USP24: variants seen among roughly 807,000 people sequenced by gnomAD.
USP24 encodes the protein ubiquitin specific peptidase 24, also known as ubiquitin carboxyl-terminal hydrolase 24.
Under a neutral mutation model 361.6 loss-of-function variants are expected in USP24, and 97 were observed. The observed-to-expected ratio is 0.27, with a 90% CI of 0.23 to 0.32. The LOEUF is 0.32. Ranked by LOEUF, USP24 falls within the 10% of genes least tolerant of loss-of-function variation. The pLI, the probability that USP24 is intolerant of heterozygous loss-of-function variation, is 1.00. For missense variants in USP24, 2,353 were observed against 3,165.6 expected (o/e 0.74, Z 6.16); for synonymous variants, 1,098 against 1,124.6 (o/e 0.98, Z 0.47).
rs1446392070 is a variant in USP24, at chr1:55,097,022, G to C, written c.5866C>G (p.Leu1956Val). 2 of 1,613,788 alleles carry C rather than the reference G, an allele frequency of 1.2e-6. No individual in the cohort carries two copies. The highest frequency in any genetic ancestry group is 1.7e-6 in the Non-Finnish European group (2 of 1,179,878). The change falls in exon 49 of 68, where the codon CTT becomes GTT. Residue 1956 changes from leucine (L) to valine (V), a missense_variant. Leu to Val is a conservative substitution (Grantham distance 32, BLOSUM62 1). Around this residue, in one of 8 missense-constraint regions of USP24, gnomAD observed 598 missense variants for 761.9 expected, o/e 0.78. Coordinates refer to ENST00000294383, the MANE Select transcript of USP24 (RefSeq NM_015306.3). ...CCACTGTGTACGATGACACCGACAA[G>C]TTCATAGTTTTCTGTGAGGGCAACC... is the stretch of plus-strand genomic sequence containing the variant. The part of the protein sequence containing the change: ...KKVALTENYE[L>V]VGVIVHSGQA...
At position 55,215,145 on chromosome 1, in the gene USP24, C is replaced by A; in HGVS notation, c.-32G>T. ...GGCCTCCTGGCCGCCCCGGCCAGCGCACGGCGAAGCTACGGGTCCCGGGCC... is the reference window on the plus strand; with the variant it reads ...GGCCTCCTGGCCGCCCCGGCCAGCGAACGGCGAAGCTACGGGTCCCGGGCC... On this transcript the variant is annotated 5_prime_UTR_variant, in exon 1 of 68. Coordinates refer to ENST00000294383, the MANE Select transcript of USP24 (RefSeq NM_015306.3). 1 of 1,221,872 alleles carries A rather than the reference C, an allele frequency of 8.2e-7. No individual in the cohort carries two copies. The highest frequency in any genetic ancestry group is 1.0e-6 in the Non-Finnish European group (1 of 977,294). 75.7% of individuals were successfully genotyped at this position (1,221,872 alleles called of 1,614,324 possible). A position where few individuals can be genotyped will look rare whatever the true frequency, so the allele number is the denominator to read the frequency against.
intron 41 of USP24, among the ~76,000 whole-genome samples, chr1:55,105,260 G>A (rs1645739911): frequency 6.6e-6 from 1 of 152,166 alleles, no homozygotes; most frequent in Admixed American, 6.5e-5. Flanking sequence ...CAGGGCTGGG[G>A]TAGCAATGAG....
At chr1:55,119,130 T>C (rs948546242) in intron 38 of USP24, among the ~76,000 whole-genome samples, 26 of 152,368 alleles carry the variant, frequency 1.7e-4, no homozygotes, top group African/African-American at 6.3e-4. Context: ...CCCATGTTTG[T>C]AGCTGCATTC....
chr1:55,195,818 A>AACAGGT (rs1165839970), intron 1 of USP24, among the ~76,000 whole-genome samples: 2 of 152,236 alleles, frequency 1.3e-5, no homozygotes, highest in Non-Finnish European at 2.9e-5. Context: ...GTTGTTGTTT[A>AACAGGT]ACAGGTACAG....
intron 1 of USP24, among the ~76,000 whole-genome samples, chr1:55,213,727 G>A (rs1430416416): frequency 2.6e-5 from 4 of 152,138 alleles, no homozygotes; most frequent in Admixed American, 6.5e-5. Context: ...CAAAAGCACT[G>A]CTGCTTCTGG....
intron 50 of USP24, 86 bp from the exon 51 acceptor site, chr1:55,095,482 G>A (rs866613988): frequency 4.2e-6 from 6 of 1,419,086 alleles, no homozygotes; most frequent in Middle Eastern, 4.8e-4. Flanking sequence ...CATTATTCCA[G>A]CAAGTAGTTA....
intron 7 of USP24, among the ~76,000 whole-genome samples, 180 bp from the exon 8 acceptor site, chr1:55,162,444 CG>C (rs1648389674): frequency 1.3e-5 from 2 of 152,084 alleles, no homozygotes; most frequent in South Asian, 4.2e-4. Context: ...GATGTCAACC[CG>C]CTTAAATTAT....
At position 55,101,590 on chromosome 1, in the gene USP24, G is replaced by T; in HGVS notation, c.5139C>A (p.Leu1713=). 1.2e-6 allele frequency: 2 copies of T among 1,610,100 alleles called. No homozygotes were observed. The highest frequency in any genetic ancestry group is 1.7e-6 in the Non-Finnish European group (2 of 1,178,162). Residue 1713 remains leucine, a synonymous_variant, in exon 43 of 68, where the codon CTC becomes CTA. Transcript: ENST00000294383. ...GATAGAAAAAAGAAATCACCTCAGG[G>T]AGCCCAGGTTGCATATACAGCTGCT... ...VFQQLYMQPG[L]PESLLSVDDD...
At chr1:55,135,578 T>C (rs1646710415) in intron 28 of USP24, among the ~76,000 whole-genome samples, 1 of 152,228 alleles carries the variant, frequency 6.6e-6, no homozygotes, top group Admixed American at 6.5e-5. Flanking sequence ...CCTCAAGATA[T>C]CTCATTATGT....
rs537531789 is a variant in USP24, at chr1:55,166,456, A to AT, written c.861+111dup. 1,483 of 1,022,498 alleles carry AT rather than the reference A, an allele frequency of 1.5e-3. 3 individuals are homozygous for AT. Among genetic ancestry groups the AT allele is most frequent in the South Asian group, 2.7e-3 (174 of 65,186 alleles). The allele number at this position is 1,022,498 out of a possible 1,614,324, so 63.3% of individuals were successfully genotyped here. On this transcript the variant is annotated intron_variant, in intron 6 of 67. Transcript: ENST00000294383. Reference sequence around the variant, plus strand: ...AAATATGAAATCCACTCCTTAAAGCATTTTTTTTATTATTCTCTGCAGCTG... The same window carrying AT: ...AAATATGAAATCCACTCCTTAAAGCATTTTTTTTTATTATTCTCTGCAGCTG...
At chr1:55,204,664 G>A (rs551980889) in intron 1 of USP24, among the ~76,000 whole-genome samples, 38 of 152,202 alleles carry the variant, frequency 2.5e-4, no homozygotes, top group Admixed American at 2.4e-3. Flanking sequence ...TTAGACTTGT[G>A]GCATAAGAAA....
Position 55,101,565 on chromosome 1 carries a change from G to T in USP24, c.5145+19C>A. ...ACGTATTATCTATCGTACCAAAAAG[G>T]ATAGAAAAAAGAAATCACCTCAGGG... On this transcript the variant is annotated intron_variant, in intron 43 of 67. Coordinates refer to ENST00000294383, the MANE Select transcript of USP24 (RefSeq NM_015306.3). 6.3e-7 allele frequency: 1 copy of T among 1,594,118 alleles called. No homozygotes were observed. The highest frequency in any genetic ancestry group is 1.7e-4 in the Middle Eastern group (1 of 6,042).
intron 1 of USP24, among the ~76,000 whole-genome samples, chr1:55,202,989 A>G (rs185391805): frequency 2.0e-5 from 3 of 152,366 alleles, no homozygotes; most frequent in Admixed American, 6.5e-5. Context: ...GATCACATTC[A>G]TAAACTTTTA....
chr1:55,154,714 A>C lies in USP24; in HGVS notation c.1511T>G (p.Phe504Cys). 6 of 1,613,520 alleles carry C rather than the reference A, an allele frequency of 3.7e-6. No homozygotes were observed. The highest frequency in any genetic ancestry group is 5.1e-6 in the Non-Finnish European group (6 of 1,179,626). ...HTIIAAAAVK[F>C]NSDQLNHLFV... Reference sequence around the variant, plus strand: ...CAAATGATTAAGCTGATCTGAATTAAATTTCACAGCCGCTGCAGCAATAAT... The same window carrying C: ...CAAATGATTAAGCTGATCTGAATTACATTTCACAGCCGCTGCAGCAATAAT... Residue 504 changes from phenylalanine (F) to cysteine (C), a missense_variant, in exon 13 of 68, where the codon TTT becomes TGT. Coordinates refer to ENST00000294383, the MANE Select transcript of USP24 (RefSeq NM_015306.3).
intron 1 of USP24, among the ~76,000 whole-genome samples, chr1:55,190,164 C>CAGAAA (rs1644248111): frequency 2.5e-5 from 2 of 78,738 alleles, no homozygotes; most frequent in Non-Finnish European, 2.2e-5. Flanking sequence ...GACTCCATCT[C>CAGAAA]AAAAAAAAAA....
chr1:55,212,733 C>T (rs1271185301), intron 1 of USP24, among the ~76,000 whole-genome samples: 1 of 152,180 alleles, frequency 6.6e-6, no homozygotes, highest in East Asian at 1.9e-4. Context: ...CAATACGCTT[C>T]GTGGGTAAAG....
At chr1:55,170,166 A>C (rs1416733331) in intron 5 of USP24, among the ~76,000 whole-genome samples, 2 of 152,178 alleles carry the variant, frequency 1.3e-5, no homozygotes, top group African/African-American at 2.4e-5. Flanking sequence ...TACAAGAGTA[A>C]CAATCCCAAC....
At chr1:55,195,349 G>A (rs1644388186) in intron 1 of USP24, among the ~76,000 whole-genome samples, 5 of 152,136 alleles carry the variant, frequency 3.3e-5, no homozygotes, top group Admixed American at 3.3e-4. Context: ...ACCACTTCAA[G>A]TATCATCTCT....
At position 55,120,750 on chromosome 1, in the gene USP24, G is replaced by C; in HGVS notation, c.4354C>G (p.Arg1452Gly). 6.4e-7 allele frequency: 1 copy of C among 1,565,000 alleles called. No individual in the cohort carries two copies. The highest frequency in any genetic ancestry group is 1.2e-5 in the South Asian group (1 of 83,798). Residue 1452 changes from arginine (R) to glycine (G), a missense_variant, in exon 38 of 68, where the codon CGG becomes GGG. Transcript: ENST00000294383. ...LLGSPSAEIRRVACDQLYTLS... is the reference protein window; with the variant it reads ...LLGSPSAEIRGVACDQLYTLS... ...GTGTACAGCTGATCACAGGCAACCC[G>C]GCGAATCTGAAATTACATGATCAGC...
Sources: allele counts gnomAD v4.1 joint callset (sites outside exome capture counted in the v4.1 genomes callset), GRCh38; gene constraint gnomAD v4.1.1; regional missense constraint gnomAD v4.1.1; transcripts MANE v1.5; gene names NCBI Gene and HGNC (gene_info 2026-07-23, HGNC 2026-07-21).